PRUNE1: variants seen among roughly 807,000 people sequenced by gnomAD.
PRUNE1 encodes prune exopolyphosphatase 1, also known as exopolyphosphatase PRUNE1.
PRUNE1 carries 25 observed loss-of-function variants against 42.5 expected under a neutral mutation model. That is an observed-to-expected ratio of 0.59 (90% confidence interval 0.43 to 0.82). The LOEUF (loss-of-function observed/expected upper bound fraction) is 0.82, where lower values mean the gene tolerates loss of function less well. PRUNE1 is among the 40% of genes least tolerant of loss of function. PRUNE1 has a pLI of 0.00. For synonymous variants in PRUNE1, 203 were observed against 217.1 expected (o/e 0.93, Z 0.57); for missense variants, 443 against 539.3 (o/e 0.82, Z 1.77).
chr1:151,021,404 G>A (rs587767533), intron 3 of PRUNE1, among the ~76,000 whole-genome samples: 1 of 152,228 alleles, frequency 6.6e-6, no homozygotes, highest in Non-Finnish European at 1.5e-5. Context: ...GCGGTGAGCC[G>A]AGATCATGCC....
At chr1:151,025,489 A>T in intron 4 of PRUNE1, 26 bp from the exon 5 acceptor site, 1 of 1,607,634 alleles carries the variant, frequency 6.2e-7, no homozygotes, top group Non-Finnish European at 8.5e-7. Context: ...ACAGGATTCA[A>T]GTTCCACCAT....
At chr1:151,015,633 C>CAAA (rs34251388) in intron 1 of PRUNE1, among the ~76,000 whole-genome samples, 2 of 86,898 alleles carry the variant, frequency 2.3e-5, no homozygotes, top group Admixed American at 1.3e-4. Flanking sequence ...GACTCCATCT[C>CAAA]AAAAAAAAAA....
rs1311077193 is a variant in PRUNE1 at position 151,034,425 on chromosome 1, CT to C, written c.*192del. ...AAGAATGGTTTTCCACCTTTTCCCC[CT>C]AATCTCTACCAATCAGACACATTTT... On this transcript the variant is annotated 3_prime_UTR_variant, in exon 8 of 8. Transcript: ENST00000271620. The C allele has an allele frequency of 1.7e-5, 10 of 598,928 alleles. No individual in the cohort carries two copies. Among genetic ancestry groups the C allele is most frequent in the East Asian group, 1.4e-4 (5 of 35,142 alleles). The allele number at this position is 598,928 out of a possible 1,614,324, so 37.1% of individuals were successfully genotyped here. A position where few individuals can be genotyped will look rare whatever the true frequency, so the allele number is the denominator to read the frequency against.
At chr1:151,013,322 T>C (rs61560653) in intron 1 of PRUNE1, among the ~76,000 whole-genome samples, 1 of 152,320 alleles carries the variant, frequency 6.6e-6, no homozygotes, top group East Asian at 1.9e-4. Context: ...CCTTGGTCAC[T>C]CCAGTTCCAA....
chr1:151,021,225 C>T lies in PRUNE1; in HGVS notation c.335+2556C>T, dbSNP rs369389405. The stretch of plus-strand genomic sequence containing the variant: ...ATCCCAGCACTTTGGGAGGCTGAGG[C>T]GGGCAGAATCACCTGAGGTCAGGAG... On this transcript the variant is annotated intron_variant, in intron 3 of 7. Transcript: ENST00000271620. Among the ~76,000 whole-genome samples the T allele has an allele frequency of 7.9e-5, 12 of 151,032 alleles. No individual in the cohort carries two copies. The East Asian group carries it at 9.8e-4, about 12-fold the overall frequency.
At chr1:151,011,599 C>G (rs1673773019) in intron 1 of PRUNE1, among the ~76,000 whole-genome samples, 2 of 151,946 alleles carry the variant, frequency 1.3e-5, no homozygotes, top group Admixed American at 1.3e-4. Flanking sequence ...TATTTTTCTC[C>G]CCCATTAACT....
intron 1 of PRUNE1, among the ~76,000 whole-genome samples, chr1:151,015,447 A>T (rs1223694760): frequency 6.6e-6 from 1 of 151,964 alleles, no homozygotes; most frequent in African/African-American, 2.4e-5. Context: ...CAGCCTGACC[A>T]ACATGGTGAA....
chr1:151,027,584 A>ATTTT (rs34162206), intron 6 of PRUNE1, among the ~76,000 whole-genome samples: 7 of 134,996 alleles, frequency 5.2e-5, no homozygotes, highest in African/African-American at 1.1e-4. Context: ...GTCTTTTTTA[A>ATTTT]TTTTTTTTTT....
intron 1 of PRUNE1, among the ~76,000 whole-genome samples, chr1:151,017,274 A>T (rs142987842): frequency 6.6e-6 from 1 of 152,244 alleles, no homozygotes; most frequent in Non-Finnish European, 1.5e-5. Flanking sequence ...TTACTGCTCT[A>T]TAAGTTAACA....
intron 7 of PRUNE1, among the ~76,000 whole-genome samples, chr1:151,033,327 G>A (rs1216212961): frequency 6.8e-6 from 1 of 147,786 alleles, no homozygotes; most frequent in African/African-American, 2.5e-5. Flanking sequence ...TCAGGTGATC[G>A]GCCCCCTTTA....
intron 2 of PRUNE1, among the ~76,000 whole-genome samples, 155 bp downstream of exon 2, chr1:151,018,059 A>G (rs1417506127): frequency 6.6e-6 from 1 of 152,168 alleles, no homozygotes; most frequent in African/African-American, 2.4e-5. Context: ...AAAAACTAAA[A>G]TGATATTTTG....
chr1:151,024,793 A>G lies in PRUNE1; in HGVS notation c.518A>G (p.His173Arg), dbSNP rs905169785. The change falls in exon 4 of 8, where the codon CAT (histidine) becomes CGT (arginine). Residue 173 changes from histidine to arginine, a missense_variant and splice_region_variant. Physicochemically the swap from His to Arg is conservative, Grantham distance 29. Coordinates refer to ENST00000271620, the MANE Select transcript of PRUNE1 (RefSeq NM_021222.3). Reference protein sequence around the residue: ...ILDRQTAALLHGTIILDCVNM... With the variant: ...ILDRQTAALLRGTIILDCVNM... ...GACAGGCAAACTGCAGCCCTTCTGCATGGTAAGGGTGGCTTTTGGATTGGG... is the reference window on the plus strand; with the variant it reads ...GACAGGCAAACTGCAGCCCTTCTGCGTGGTAAGGGTGGCTTTTGGATTGGG... 6 of 1,609,498 alleles carry G rather than the reference A, an allele frequency of 3.7e-6. No individual in the cohort carries two copies. Among genetic ancestry groups the G allele is most frequent in the African/African-American group, 1.3e-5 (1 of 74,830 alleles).
intron 4 of PRUNE1, among the ~76,000 whole-genome samples, chr1:151,025,275 C>T (rs1366595349): frequency 6.6e-6 from 1 of 152,156 alleles, no homozygotes; most frequent in Non-Finnish European, 1.5e-5. Flanking sequence ...GCTGTAAAAT[C>T]TCCAAGGTTT....
At chr1:151,027,388 T>TA in intron 6 of PRUNE1, 61 bp downstream of exon 6, 1 of 1,209,434 alleles carries the variant, frequency 8.3e-7, no homozygotes, top group Non-Finnish European at 1.2e-6. Context: ...ATGTTATGCA[T>TA]GTGGCCTTGC....
At chr1:151,024,847 G>C (rs1227009583) in intron 4 of PRUNE1, 52 bp downstream of exon 4, 2 of 1,532,478 alleles carry the variant, frequency 1.3e-6, no homozygotes, top group Non-Finnish European at 8.8e-7. Flanking sequence ...CTGTCCCTGA[G>C]AAGGGAGGGT....
In PRUNE1 at chr1:151,024,666, G is replaced by T. The variant is rs186350294; in HGVS notation, c.391G>T (p.Glu131Ter). 1.2e-6 allele frequency: 2 copies of T among 1,613,584 alleles called. No homozygotes were observed. Among genetic ancestry groups the T allele is most frequent in the Non-Finnish European group, 1.7e-6 (2 of 1,179,674 alleles). ...AGAGGTGCTAGACCATCGACCCATC[G>T]AGCCGAAACACTGCCCTCCCTGCCA... Reference protein sequence around the residue: ...VAEVLDHRPIEPKHCPPCHVS... With the variant: ...VAEVLDHRPI The change falls in exon 4 of 8, where the codon GAG becomes TAG. Residue 131 changes from glutamate to a stop codon, truncating the protein, a stop_gained. Transcript: ENST00000271620. LOFTEE classifies it high-confidence loss of function.
At chr1:151,032,307 T>A (rs1675288156) in intron 7 of PRUNE1, among the ~76,000 whole-genome samples, 1 of 151,950 alleles carries the variant, frequency 6.6e-6, no homozygotes, top group Admixed American at 6.6e-5. Flanking sequence ...CCCAGCACTT[T>A]CGGAGGCTGA....
intron 3 of PRUNE1, among the ~76,000 whole-genome samples, chr1:151,023,447 C>T (rs764667195): frequency 1.3e-5 from 2 of 152,164 alleles, no homozygotes; most frequent in East Asian, 1.9e-4. Flanking sequence ...TTGCTGGGCG[C>T]GGTGGCTCAT....
intron 5 of PRUNE1, 100 bp from the exon 6 acceptor site, chr1:151,027,133 G>T: frequency 1.4e-6 from 1 of 719,852 alleles, no homozygotes; most frequent in Non-Finnish European, 2.4e-6. Flanking sequence ...CCAAAGAGAG[G>T]CTGTTTTTCC....
Sources: allele counts gnomAD v4.1 joint callset (sites outside exome capture counted in the v4.1 genomes callset), GRCh38; gene constraint gnomAD v4.1.1; transcripts MANE v1.5; gene names NCBI Gene and HGNC (gene_info 2026-07-23, HGNC 2026-07-21).